The following FGD4 variants were observed in gnomAD, a reference collection of about 807,000 sequenced individuals.
FGD4 encodes FYVE, RhoGEF and PH domain-containing protein 4.
In FGD4, 42 loss-of-function variants were observed where a neutral mutation model predicts 102.0. The ratio of observed to expected loss-of-function variants is 0.41; its 90% CI spans 0.32 to 0.53. The LOEUF (loss-of-function observed/expected upper bound fraction) is 0.53. Ranked by LOEUF, FGD4 falls within the 20% of genes least tolerant of loss-of-function variation. The pLI, the probability that FGD4 is intolerant of heterozygous loss-of-function variation, is 0.21. For missense variants in FGD4, 902 were observed against 1,078.2 expected (o/e 0.84, Z 2.29); for synonymous variants, 380 against 375.7 (o/e 1.01, Z -0.13).
chr12:32,579,235 C>T lies in FGD4; in HGVS notation c.504-2725C>T, dbSNP rs151042040. Among the ~76,000 whole-genome samples the T allele has an allele frequency of 3.5e-3, 537 of 151,912 alleles. 5 individuals are homozygous for T. The highest frequency in any genetic ancestry group is 0.012 in the African/African-American group (516 of 41,440). On this transcript the variant is annotated intron_variant, in intron 3 of 16. Transcript: ENST00000534526. Reference sequence around the variant, plus strand: ...GCTAATTTTGTATTTTTAGTAGAGACGGGGTTTCTCCATGTTGAGGCTGGG... The same window carrying T: ...GCTAATTTTGTATTTTTAGTAGAGATGGGGTTTCTCCATGTTGAGGCTGGG...
intron 1 of FGD4, 119 bp downstream of exon 1, chr12:32,400,078 G>A (rs1940585332): frequency 2.2e-6 from 3 of 1,347,704 alleles, no homozygotes; most frequent in Non-Finnish European, 2.9e-6. Flanking sequence ...ACTGGTTCGG[G>A]AGGTTCATTG....
Position 32,486,028 on chromosome 12 carries a change from A to G in FGD4, c.167-78109A>G, listed in dbSNP as rs1042270707. ...GTGTATGTGTCTAGTGTCTAAATAC[A>G]GAATGCCTATAGTTTCTACCAACAA... On this transcript the variant is annotated intron_variant, in intron 1 of 16. Coordinates refer to ENST00000534526, the MANE Select transcript of FGD4 (RefSeq NM_001370298.3). 1.0e-5 allele frequency: 15 copies of G among 1,465,082 alleles called. No individual in the cohort carries two copies. In the African/African-American group the frequency reaches 1.7e-4, roughly 17 times the overall value. The allele number at this position is 1,465,082 out of a possible 1,614,324, so 90.8% of individuals were successfully genotyped here.
intron 1 of FGD4, among the ~76,000 whole-genome samples, chr12:32,464,993 G>A (rs1943214131): frequency 6.6e-6 from 1 of 152,150 alleles, no homozygotes; most frequent in Non-Finnish European, 1.5e-5. Flanking sequence ...ATTAAATTGT[G>A]ATGTAATAGG....
intron 8 of FGD4, 85 bp downstream of exon 8, chr12:32,608,180 C>T: frequency 6.6e-7 from 1 of 1,522,174 alleles, no homozygotes. Flanking sequence ...AAATACATCT[C>T]ACAGCTACTT....
At chr12:32,592,151 C>T (rs1174903646) in intron 4 of FGD4, among the ~76,000 whole-genome samples, 1 of 151,654 alleles carries the variant, frequency 6.6e-6, no homozygotes, top group Non-Finnish European at 1.5e-5. Context: ...GGTGTGATCT[C>T]GGCTCACTGT....
intron 2 of FGD4, among the ~76,000 whole-genome samples, chr12:32,575,165 T>C (rs956474616): frequency 1.3e-5 from 2 of 152,200 alleles, no homozygotes; most frequent in African/African-American, 2.4e-5. Context: ...ATTTGTGGTA[T>C]ATTGATGCAG....
intron 8 of FGD4, among the ~76,000 whole-genome samples, chr12:32,608,476 A>G (rs1238965188): frequency 1.3e-5 from 2 of 152,266 alleles, no homozygotes; most frequent in Admixed American, 1.3e-4. Flanking sequence ...AGCTAAGGTG[A>G]CATTCACTAT....
intron 1 of FGD4, among the ~76,000 whole-genome samples, chr12:32,443,114 A>G (rs927911400): frequency 2.0e-4 from 30 of 152,086 alleles, no homozygotes; most frequent in African/African-American, 7.2e-4. Flanking sequence ...CCCCCATTCC[A>G]TAGGTTGTCT....
rs1060501904 is a variant in FGD4, at chr12:32,638,787, G to GC, written c.2452dup (p.Gln818ProfsTer18). The GC allele has an allele frequency of 6.2e-7, 1 of 1,613,976 alleles. No individual in the cohort carries two copies. The highest frequency in any genetic ancestry group is 8.5e-7 in the Non-Finnish European group (1 of 1,179,936). On this transcript the variant is annotated frameshift_variant, in exon 16 of 17. Transcript: ENST00000534526. LOFTEE classifies it high-confidence loss of function. ...CCCTCTTGTGCTGTACATGTATGGT[G>GC]CCCCCCAGGTATCTAAACCACATCT...
intron 10 of FGD4, among the ~76,000 whole-genome samples, chr12:32,612,079 A>G (rs10844256): frequency 0.41 from 62,662 of 152,130 alleles, 13,309 homozygotes; most frequent in Middle Eastern, 0.63. Context: ...GCCCCCTGGT[A>G]TCTCAGCCCC....
chr12:32,502,409 A>T lies in FGD4; in HGVS notation c.167-61728A>T, dbSNP rs913824252. The T allele has an allele frequency of 4.4e-6, 4 of 908,528 alleles. No homozygotes were observed. The African/African-American group carries it at 7.2e-5, about 16-fold the overall frequency. 56.3% of individuals were successfully genotyped at this position (908,528 alleles called of 1,614,324 possible). ...TGGGGGCATTATCTCCATGTGGTCC[A>T]AGGAAAGTGAGCTCTAAGCTCTTTT... On this transcript the variant is annotated intron_variant, in intron 1 of 16. Coordinates refer to ENST00000534526, the MANE Select transcript of FGD4 (RefSeq NM_001370298.3).
intron 1 of FGD4, among the ~76,000 whole-genome samples, chr12:32,437,480 G>C (rs1291375750): frequency 6.6e-6 from 1 of 152,234 alleles, no homozygotes; most frequent in African/African-American, 2.4e-5. Context: ...TTACTGGGCA[G>C]CCTGGCCCAG....
At chr12:32,455,956 A>G (rs1233388590) in intron 1 of FGD4, among the ~76,000 whole-genome samples, 1 of 152,188 alleles carries the variant, frequency 6.6e-6, no homozygotes, top group Admixed American at 6.5e-5. Context: ...TAGCATAACA[A>G]TAGAAAAAGT....
At chr12:32,624,890 TA>T in intron 12 of FGD4, 85 bp from the exon 13 acceptor site, 1 of 1,148,598 alleles carries the variant, frequency 8.7e-7, no homozygotes, top group Non-Finnish European at 1.3e-6. Context: ...AAGTGATTCC[TA>T]TCATAGATAT....
chr12:32,558,862 G>A, intron 1 of FGD4, among the ~76,000 whole-genome samples: 1 of 152,160 alleles, frequency 6.6e-6, no homozygotes, highest in East Asian at 1.9e-4. Flanking sequence ...AGCAAGCATA[G>A]GTCAGCAACC....
At position 32,582,303 on chromosome 12, in the gene FGD4, A is replaced by C; in HGVS notation, c.847A>C (p.Ser283Arg). ...ATAPASPTTD[S>R]CDGNASDSSY... The stretch of plus-strand genomic sequence containing the variant: ...AGCTCCTGCATCACCCACAACAGAC[A>C]GCTGTGATGGAAATGCTTCTGACAG... The change falls in exon 4 of 17, where the codon AGC (serine) becomes CGC (arginine). Residue 283 changes from serine (S) to arginine (R), a missense_variant. Ser to Arg is a moderately radical substitution (Grantham distance 110). Around this residue, in one of 2 missense-constraint regions of FGD4, gnomAD observed 443 missense variants for 459.2 expected, o/e 0.96. Coordinates refer to ENST00000534526, the MANE Select transcript of FGD4 (RefSeq NM_001370298.3). The C allele has an allele frequency of 6.2e-7, 1 of 1,614,230 alleles. No individual in the cohort carries two copies. Among genetic ancestry groups the C allele is most frequent in the Non-Finnish European group, 8.5e-7 (1 of 1,180,036 alleles).
At position 32,619,814 on chromosome 12, in the gene FGD4, A is replaced by G. The variant is rs781440577; in HGVS notation, c.1866A>G (p.Glu622=). 1.2e-6 allele frequency: 2 copies of G among 1,614,208 alleles called. No individual in the cohort carries two copies. Among genetic ancestry groups the G allele is most frequent in the Admixed American group, 3.3e-5 (2 of 60,022 alleles). Residue 622 remains glutamate (E), a synonymous_variant, in exon 11 of 17, where the codon GAA becomes GAG. Coordinates refer to ENST00000534526, the MANE Select transcript of FGD4 (RefSeq NM_001370298.3). ...AAATTGTAGAGACTCAAAATGAAGAATATCCACATACTTTCCAGGTGTCTG... is the reference window on the plus strand; with the variant it reads ...AAATTGTAGAGACTCAAAATGAAGAGTATCCACATACTTTCCAGGTGTCTG... The part of the protein sequence containing the change: ...GMKIVETQNE[E]YPHTFQVSGK...
At chr12:32,579,761 T>G (rs375518507) in intron 3 of FGD4, 1 of 152,252 alleles carries the variant, frequency 6.6e-6, no homozygotes, top group Non-Finnish European at 1.5e-5. Flanking sequence ...TAACATTTAT[T>G]TGTATTGCCC....
At chr12:32,558,903 A>G (rs921585809) in intron 1 of FGD4, among the ~76,000 whole-genome samples, 1 of 152,224 alleles carries the variant, frequency 6.6e-6, no homozygotes, top group African/African-American at 2.4e-5. Context: ...GGTTAATACT[A>G]AAAAGTGGTT....
Sources: gnomAD v4.1 joint callset for allele counts (sites outside exome capture counted in the v4.1 genomes callset) on GRCh38, gnomAD v4.1.1 for gene constraint, gnomAD v4.1.1 regional missense constraint, MANE v1.5 for transcripts, NCBI Gene and HGNC (gene_info 2026-07-23, HGNC 2026-07-21) for gene names.